The following CSMD3 variants were observed in gnomAD, a reference collection of about 807,000 sequenced individuals.
CSMD3 encodes CUB and sushi domain-containing protein 3.
A neutral mutation model predicts 435.2 loss-of-function variants in CSMD3; 177 were observed. That is an observed-to-expected ratio of 0.41 (90% confidence interval 0.36 to 0.46). CSMD3 has a LOEUF of 0.46. CSMD3 is among the 20% of genes least tolerant of loss of function. The probability of loss-of-function intolerance (pLI) is 0.34; values close to 1 mark genes in which losing one functional copy is unlikely to be tolerated. For missense variants in CSMD3, 4,265 were observed against 4,504.6 expected (o/e 0.95, Z 1.52); for synonymous variants, 1,656 against 1,520.5 (o/e 1.09, Z -2.07).
chr8:113,407,614 C>T (rs1268585391), intron 1 of CSMD3, among the ~76,000 whole-genome samples: 2 of 151,612 alleles, frequency 1.3e-5, no homozygotes, highest in African/African-American at 2.4e-5. Context: ...GGGGGTTGCC[C>T]TGGTTTGTAG....
chr8:112,279,440 C>T (rs1818418649), intron 59 of CSMD3, among the ~76,000 whole-genome samples: 2 of 152,256 alleles, frequency 1.3e-5, no homozygotes, highest in Non-Finnish European at 2.9e-5. Context: ...CCTATAGCAC[C>T]TGATACGGAC....
At chr8:112,806,162 T>C (rs1428530822) in intron 12 of CSMD3, among the ~76,000 whole-genome samples, 3 of 152,210 alleles carry the variant, frequency 2.0e-5, no homozygotes, top group African/African-American at 7.2e-5. Context: ...ATGAAATAAC[T>C]GTGTAATAAT....
At chr8:113,320,068 C>T (rs1291541619) in intron 1 of CSMD3, among the ~76,000 whole-genome samples, 1 of 151,948 alleles carries the variant, frequency 6.6e-6, no homozygotes, top group African/African-American at 2.4e-5. Flanking sequence ...GACATTTAGG[C>T]CATTGCTACA....
intron 13 of CSMD3, among the ~76,000 whole-genome samples, chr8:112,760,637 A>G (rs982784171): frequency 6.6e-6 from 1 of 152,204 alleles, no homozygotes; most frequent in African/African-American, 2.4e-5. Context: ...TTATTGTACA[A>G]ATAAAAATAT....
At chr8:112,464,569 A>G (rs1817770713) in intron 32 of CSMD3, among the ~76,000 whole-genome samples, 1 of 152,146 alleles carries the variant, frequency 6.6e-6, no homozygotes, top group Non-Finnish European at 1.5e-5. Context: ...AGAAATGAAA[A>G]CAACAATAAA....
chr8:112,886,333 T>C (rs1198402709), intron 10 of CSMD3, among the ~76,000 whole-genome samples: 2 of 151,628 alleles, frequency 1.3e-5, no homozygotes, highest in African/African-American at 4.8e-5. Context: ...CCTTTTGAAA[T>C]GTTTCTTCTG....
In CSMD3 at chr8:112,260,026, T is replaced by C. The variant is rs188561144; in HGVS notation, c.9862+3613A>G. On this transcript the variant is annotated intron_variant, in intron 61 of 70. Coordinates refer to ENST00000297405, the MANE Select transcript of CSMD3 (RefSeq NM_198123.2). ...ATCTATTTCTATCCGTGAATTTTCA[T>C]GTATAAACCAAACAACCTATTGATA... Among the ~76,000 whole-genome samples, 179 of 152,332 alleles carry C rather than the reference T, an allele frequency of 1.2e-3. 1 individual carries two copies. The highest frequency in any genetic ancestry group is 3.9e-3 in the African/African-American group (162 of 41,574).
At chr8:113,249,114 G>C (rs2093309847) in intron 3 of CSMD3, among the ~76,000 whole-genome samples, 1 of 151,908 alleles carries the variant, frequency 6.6e-6, no homozygotes, top group Non-Finnish European at 1.5e-5. Context: ...TCTTAATATG[G>C]GGAATTCCCC....
rs759516288 is a variant in CSMD3 at position 112,408,978 on chromosome 8, A to G, written c.5450T>C (p.Val1817Ala). The change falls in exon 33 of 71, where the codon GTG (valine) becomes GCG (alanine). Residue 1817 changes from valine to alanine, a missense_variant. By Grantham distance (64) the Val-to-Ala change is moderately conservative. Transcript: ENST00000297405. ...AGATTGCTGAGTTGGCCCATCATAC[A>G]CCTCAACAACATCGTGGAGTGATGT... is the stretch of plus-strand genomic sequence containing the variant. ...FQTSLHDVVEVYDGPTQQSSL... is the reference protein window; with the variant it reads ...FQTSLHDVVEAYDGPTQQSSL... 1.2e-6 allele frequency: 2 copies of G among 1,613,512 alleles called. No individual in the cohort carries two copies. Among genetic ancestry groups the G allele is most frequent in the African/African-American group, 2.7e-5 (2 of 74,862 alleles).
intron 4 of CSMD3, among the ~76,000 whole-genome samples, chr8:113,134,679 T>G (rs1564352593): frequency 1.3e-5 from 2 of 152,088 alleles, no homozygotes; most frequent in Admixed American, 6.6e-5. Flanking sequence ...GTAGGGGTTT[T>G]CAACAGCCTT....
At chr8:113,353,710 A>G (rs934090683) in intron 1 of CSMD3, among the ~76,000 whole-genome samples, 12 of 152,140 alleles carry the variant, frequency 7.9e-5, no homozygotes, top group Admixed American at 7.9e-4. Context: ...CACTCTTCAG[A>G]CAAGGTTTCT....
At chr8:112,593,916 T>C (rs939486778) in intron 22 of CSMD3, among the ~76,000 whole-genome samples, 2 of 152,078 alleles carry the variant, frequency 1.3e-5, no homozygotes, top group Non-Finnish European at 2.9e-5. Flanking sequence ...TTTTTTGATG[T>C]TTTTGTCTTT....
At chr8:113,379,537 A>T (rs1416236895) in intron 1 of CSMD3, among the ~76,000 whole-genome samples, 1 of 152,220 alleles carries the variant, frequency 6.6e-6, no homozygotes, top group Admixed American at 6.5e-5. Flanking sequence ...AGGACTGGTC[A>T]GTAATACCTC....
chr8:113,074,220 A>C (rs186041351), intron 5 of CSMD3, among the ~76,000 whole-genome samples: 2 of 151,732 alleles, frequency 1.3e-5, no homozygotes, highest in Non-Finnish European at 3.0e-5. Flanking sequence ...ATCTGTCATC[A>C]CATATCTCTT....
At chr8:112,404,421 T>C (rs1370467541) in intron 35 of CSMD3, among the ~76,000 whole-genome samples, 2 of 151,762 alleles carry the variant, frequency 1.3e-5, no homozygotes, top group African/African-American at 4.8e-5. Flanking sequence ...TCCCAGATAC[T>C]TGGGAGGCTG....
intron 34 of CSMD3, among the ~76,000 whole-genome samples, chr8:112,407,849 A>G (rs1056464538): frequency 1.3e-5 from 2 of 152,078 alleles, no homozygotes; most frequent in Non-Finnish European, 2.9e-5. Flanking sequence ...TAATTGCACA[A>G]AAGTCCTAAT....
At chr8:112,617,738 T>C (rs189573205) in intron 22 of CSMD3, among the ~76,000 whole-genome samples, 6 of 152,306 alleles carry the variant, frequency 3.9e-5, no homozygotes, top group Admixed American at 1.3e-4. Context: ...ATTTTTACTA[T>C]CTATCTTAAT....
At chr8:112,535,531 C>G (rs969210746) in intron 27 of CSMD3, among the ~76,000 whole-genome samples, 2 of 151,784 alleles carry the variant, frequency 1.3e-5, no homozygotes, top group African/African-American at 2.4e-5. Context: ...AGGATACAAA[C>G]AAATGGAAGA....
chr8:112,867,024 G>T (rs551139186), intron 10 of CSMD3, among the ~76,000 whole-genome samples: 1 of 152,158 alleles, frequency 6.6e-6, no homozygotes, highest in East Asian at 1.9e-4. Flanking sequence ...GCTGTGTTAG[G>T]CAAGACAATA....
Sources: gnomAD v4.1 joint callset for allele counts (sites outside exome capture counted in the v4.1 genomes callset) on GRCh38, gnomAD v4.1.1 for gene constraint, MANE v1.5 for transcripts, NCBI Gene and HGNC (gene_info 2026-07-23, HGNC 2026-07-21) for gene names.